The following RAMP1 variants were observed in gnomAD, a reference collection of about 807,000 sequenced individuals.
RAMP1 encodes the protein receptor activity-modifying protein 1.
RAMP1 carries 7 observed loss-of-function variants against 8.2 expected under a neutral mutation model. The ratio of observed to expected loss-of-function variants is 0.85; its 90% confidence interval spans 0.49 to 1.60. RAMP1 has a LOEUF of 1.60. Among genes scored for constraint, RAMP1 ranks in the 40% most tolerant of loss-of-function variants. The pLI is 0.00. For missense variants in RAMP1, 192 were observed against 202.4 expected (o/e 0.95, Z 0.31); for synonymous variants, 92 against 84.7 (o/e 1.09, Z -0.47).
At chr2:237,899,806 C>T (rs1456995261) in intron 2 of RAMP1, among the ~76,000 whole-genome samples, 3 of 152,256 alleles carry the variant, frequency 2.0e-5, no homozygotes, top group South Asian at 2.1e-4. Context: ...CAGTGGCTCA[C>T]GCCTCCCACA....
intron 2 of RAMP1, among the ~76,000 whole-genome samples, chr2:237,902,447 G>C (rs1447652583): frequency 6.6e-6 from 1 of 151,802 alleles, no homozygotes; most frequent in Non-Finnish European, 1.5e-5. Context: ...AGGACCAGGA[G>C]GACGCAGAGG....
intron 1 of RAMP1, among the ~76,000 whole-genome samples, chr2:237,871,043 G>T (rs1000929262): frequency 6.6e-6 from 1 of 152,202 alleles, no homozygotes; most frequent in Non-Finnish European, 1.5e-5. Context: ...GCTTTGGCGG[G>T]GTAAGCGGCT....
chr2:237,880,079 G>T lies in RAMP1; in HGVS notation c.191+2717G>T, dbSNP rs73092509. Among the ~76,000 whole-genome samples the T allele has an allele frequency of 7.0e-4, 107 of 151,948 alleles. No homozygotes were observed. The South Asian group carries it at 0.011, about 15-fold the overall frequency. Reference sequence around the variant, plus strand: ...ACAGCATCTCAGCACGTCAGCCCAGGCCTGCCAGCCCCTGGGGTCTGCGTT... The same window carrying T: ...ACAGCATCTCAGCACGTCAGCCCAGTCCTGCCAGCCCCTGGGGTCTGCGTT... On this transcript the variant is annotated intron_variant, in intron 2 of 2. Coordinates refer to ENST00000254661, the MANE Select transcript of RAMP1 (RefSeq NM_005855.4).
Position 237,911,936 on chromosome 2 carries a change from G to C in RAMP1, c.*153G>C. 1.6e-6 allele frequency: 2 copies of C among 1,282,264 alleles called. No individual in the cohort carries two copies. The highest frequency in any genetic ancestry group is 1.6e-5 in the South Asian group (1 of 63,994). 79.4% of individuals were successfully genotyped at this position (1,282,264 alleles called of 1,614,324 possible). ...GAGCTCACAGGAGTCCAGAGTAGCC[G>C]AGGCTCTGGTATTAACCTGGAAGCC... On this transcript the variant is annotated 3_prime_UTR_variant, in exon 3 of 3. Transcript: ENST00000254661.
At chr2:237,868,279 G>A (rs1317125411) in intron 1 of RAMP1, among the ~76,000 whole-genome samples, 1 of 151,886 alleles carries the variant, frequency 6.6e-6, no homozygotes, top group Non-Finnish European at 1.5e-5. Context: ...CCTGGCCTTC[G>A]GTGATCCACC....
At chr2:237,882,184 C>T (rs1460654091) in intron 2 of RAMP1, among the ~76,000 whole-genome samples, 1 of 152,198 alleles carries the variant, frequency 6.6e-6, no homozygotes, top group Non-Finnish European at 1.5e-5. Context: ...CTTTGTCATG[C>T]ACTAAGCTTC....
intron 2 of RAMP1, among the ~76,000 whole-genome samples, chr2:237,904,435 T>A (rs1348835891): frequency 6.6e-6 from 1 of 150,408 alleles, no homozygotes; most frequent in African/African-American, 2.4e-5. Flanking sequence ...AGAATAAAAA[T>A]CAAAATAAAT....
At chr2:237,874,314 T>C (rs2062276989) in intron 1 of RAMP1, among the ~76,000 whole-genome samples, 1 of 152,230 alleles carries the variant, frequency 6.6e-6, no homozygotes, top group Non-Finnish European at 1.5e-5. Context: ...GCTGTCATTG[T>C]TTCTGGCCCC....
intron 2 of RAMP1, among the ~76,000 whole-genome samples, chr2:237,881,375 C>T (rs886206639): frequency 2.0e-5 from 3 of 152,212 alleles, no homozygotes; most frequent in African/African-American, 2.4e-5. Context: ...ATTTCAGCAT[C>T]GACGTGGATG....
At chr2:237,900,184 GTGTC>G (rs1292001007) in intron 2 of RAMP1, among the ~76,000 whole-genome samples, 1 of 152,132 alleles carries the variant, frequency 6.6e-6, no homozygotes, top group Non-Finnish European at 1.5e-5. Flanking sequence ...GTTTAGGACA[GTGTC>G]TGGCTCTGTC....
intron 2 of RAMP1, among the ~76,000 whole-genome samples, chr2:237,908,644 G>A (rs540512991): frequency 2.0e-4 from 30 of 152,156 alleles, no homozygotes; most frequent in Middle Eastern, 3.4e-3. Context: ...CACCATCTTG[G>A]CCAGGCTGGT....
intron 1 of RAMP1, among the ~76,000 whole-genome samples, chr2:237,867,352 C>T (rs1225357827): frequency 6.6e-6 from 1 of 152,146 alleles, no homozygotes; most frequent in East Asian, 1.9e-4. Context: ...CTTGCTGTCT[C>T]AGTGGCGGCA....
At chr2:237,876,015 AC>A (rs2062299357) in intron 1 of RAMP1, among the ~76,000 whole-genome samples, 1 of 151,932 alleles carries the variant, frequency 6.6e-6, no homozygotes, top group Non-Finnish European at 1.5e-5. Context: ...CGAGTTCTGA[AC>A]CCTGAAGCCT....
At chr2:237,899,220 G>A (rs980515078) in intron 2 of RAMP1, among the ~76,000 whole-genome samples, 7 of 152,062 alleles carry the variant, frequency 4.6e-5, no homozygotes, top group East Asian at 1.9e-4. Context: ...ACAGGCACAC[G>A]CTGCCACACC....
intron 2 of RAMP1, among the ~76,000 whole-genome samples, chr2:237,879,847 G>A (rs188279375): frequency 0.03 from 4,534 of 150,854 alleles, 91 homozygotes; most frequent in Non-Finnish European, 0.044. Flanking sequence ...AAAATTAGCC[G>A]GGCGTGGTAG....
intron 1 of RAMP1, among the ~76,000 whole-genome samples, chr2:237,875,866 G>A (rs1043184245): frequency 1.3e-5 from 2 of 151,550 alleles, no homozygotes; most frequent in Non-Finnish European, 2.9e-5. Flanking sequence ...CCACCTGCTC[G>A]CCCTCCCCCA....
Position 237,877,384 on chromosome 2 carries a change from G to A in RAMP1, c.191+22G>A, listed in dbSNP as rs1186795354. ...TCAGGTGAGTCCCATGGCCCCTGGTGGGCAGGACACGGTTGGGGAGGGAGA... is the reference window on the plus strand; with the variant it reads ...TCAGGTGAGTCCCATGGCCCCTGGTAGGCAGGACACGGTTGGGGAGGGAGA... On this transcript the variant is annotated intron_variant, in intron 2 of 2. Coordinates refer to ENST00000254661, the MANE Select transcript of RAMP1 (RefSeq NM_005855.4). The surrounding 1 kb of genome is among the most constrained non-coding windows in gnomAD (Gnocchi z 4.4). 6.2e-7 allele frequency: 1 copy of A among 1,603,882 alleles called. No homozygotes were observed. The highest frequency in any genetic ancestry group is 1.7e-5 in the Admixed American group (1 of 59,346).
intron 2 of RAMP1, among the ~76,000 whole-genome samples, chr2:237,891,098 T>C (rs1192733471): frequency 1.3e-5 from 2 of 152,276 alleles, no homozygotes; most frequent in East Asian, 3.9e-4. Flanking sequence ...CTAAGGACTT[T>C]CCTCATTCAT....
rs2062178282 is a variant in RAMP1 at position 237,865,421 on chromosome 2, G to C, written c.52+5694G>C. Among the ~76,000 whole-genome samples, 1 of 152,074 alleles carries C rather than the reference G, an allele frequency of 6.6e-6. No homozygotes were observed. Among genetic ancestry groups the C allele is most frequent in the Non-Finnish European group, 1.5e-5 (1 of 67,984 alleles). On this transcript the variant is annotated intron_variant, in intron 1 of 2. Coordinates refer to ENST00000254661, the MANE Select transcript of RAMP1 (RefSeq NM_005855.4). This position sits in a 1 kb window ranked among gnomAD's most constrained non-coding sequence, Gnocchi z 4.2. ...GCCAGGGCTGCCAGGAAACATGGGA[G>C]CCCCAGGCAAACTGGAATTTCAGAT...
Sources: allele counts gnomAD v4.1 joint callset (sites outside exome capture counted in the v4.1 genomes callset), GRCh38; gene constraint gnomAD v4.1.1; non-coding constraint Gnocchi (gnomAD v3.1); transcripts MANE v1.5; gene names NCBI Gene and HGNC (gene_info 2026-07-23, HGNC 2026-07-21).